The following FAM135B variants were observed in gnomAD, a reference collection of about 807,000 sequenced individuals.
The protein encoded by FAM135B is protein FAM135B.
FAM135B carries 43 observed loss-of-function variants against 127.7 expected under a neutral mutation model. The ratio of observed to expected loss-of-function variants is 0.34; its 90% confidence interval spans 0.26 to 0.43. FAM135B has a LOEUF of 0.43. Ranked by LOEUF, FAM135B falls within the 20% of genes least tolerant of loss-of-function variation. The pLI, the probability that FAM135B is intolerant of heterozygous loss-of-function variation, is 1.00. For synonymous variants in FAM135B, 670 were observed against 665.1 expected (o/e 1.01, Z -0.11); for missense variants, 1,558 against 1,725.6 (o/e 0.90, Z 1.72).
intron 1 of FAM135B, among the ~76,000 whole-genome samples, chr8:138,427,740 A>G (rs760615673): frequency 1.3e-5 from 2 of 152,168 alleles, no homozygotes; most frequent in Non-Finnish European, 2.9e-5. Context: ...CCTAGAATGT[A>G]CAATATATTG....
At chr8:138,183,444 G>T (rs1815265407) in intron 9 of FAM135B, among the ~76,000 whole-genome samples, 1 of 151,936 alleles carries the variant, frequency 6.6e-6, no homozygotes, top group Admixed American at 6.5e-5. Context: ...CCTGCATGCT[G>T]GCCCCTGTAC....
At chr8:138,222,771 C>G (rs1210627716) in intron 7 of FAM135B, among the ~76,000 whole-genome samples, 3 of 147,442 alleles carry the variant, frequency 2.0e-5, no homozygotes, top group African/African-American at 7.5e-5. Context: ...TTCTGAAAAG[C>G]AACCCATGAC....
rs186159031 is a variant in FAM135B, at chr8:138,344,248, G to A, written c.77+23659C>T. ...GATACCATGTCAAGAATGACTCTGGGGTTCAGTCCTGTGGGGCTGCCTGTA... is the reference window on the plus strand; with the variant it reads ...GATACCATGTCAAGAATGACTCTGGAGTTCAGTCCTGTGGGGCTGCCTGTA... On this transcript the variant is annotated intron_variant, in intron 2 of 19. Transcript: ENST00000395297. Among the ~76,000 whole-genome samples, 11 of 152,318 alleles carry A rather than the reference G, an allele frequency of 7.2e-5. No homozygotes were observed. The East Asian group carries it at 1.7e-3, about 24-fold the overall frequency.
intron 11 of FAM135B, among the ~76,000 whole-genome samples, chr8:138,169,071 T>C (rs1820196398): frequency 6.6e-6 from 1 of 152,162 alleles, no homozygotes; most frequent in Non-Finnish European, 1.5e-5. Flanking sequence ...GCAATGAAGA[T>C]AAATGTATGG....
chr8:138,464,582 G>A (rs1005642515), intron 1 of FAM135B, among the ~76,000 whole-genome samples: 4 of 152,194 alleles, frequency 2.6e-5, no homozygotes, highest in Non-Finnish European at 5.9e-5. Context: ...TATATTCTAA[G>A]AAAGGAGGGA....
intron 7 of FAM135B, among the ~76,000 whole-genome samples, chr8:138,239,543 A>T (rs1298699871): frequency 6.6e-6 from 1 of 152,190 alleles, no homozygotes; most frequent in Non-Finnish European, 1.5e-5. Context: ...TTTGCTGTGC[A>T]GAAGCTCTTT....
chr8:138,216,558 TC>T (rs1818562181), intron 7 of FAM135B, among the ~76,000 whole-genome samples: 1 of 152,158 alleles, frequency 6.6e-6, no homozygotes, highest in Non-Finnish European at 1.5e-5. Flanking sequence ...TCATTCTGAA[TC>T]CTAAAGAATG....
chr8:138,464,705 T>G (rs2131628422), intron 1 of FAM135B, among the ~76,000 whole-genome samples: 1 of 152,292 alleles, frequency 6.6e-6, no homozygotes, highest in East Asian at 1.9e-4. Context: ...TGCGGCTGGA[T>G]GACAGTGGGC....
At chr8:138,305,581 GA>G (rs1211263292) in intron 3 of FAM135B, among the ~76,000 whole-genome samples, 1 of 152,188 alleles carries the variant, frequency 6.6e-6, no homozygotes, top group Non-Finnish European at 1.5e-5. Flanking sequence ...AGCCTTTGAA[GA>G]AAGCATAATT....
At chr8:138,442,770 C>T (rs1357991838) in intron 1 of FAM135B, among the ~76,000 whole-genome samples, 3 of 152,028 alleles carry the variant, frequency 2.0e-5, no homozygotes, top group Non-Finnish European at 4.4e-5. Context: ...ATCAGAAAGC[C>T]CTGCTGTGCT....
rs1040177345 is a variant in FAM135B at position 138,216,267 on chromosome 8, G to A, written c.670-18598C>T. On this transcript the variant is annotated intron_variant, in intron 7 of 19. Transcript: ENST00000395297. Reference sequence around the variant, plus strand: ...ACCAATAAGACTTAGAACCGTTGGAGGATAGCTAGATAGAAGAGGACACAT... The same window carrying A: ...ACCAATAAGACTTAGAACCGTTGGAAGATAGCTAGATAGAAGAGGACACAT... 2.6e-5 allele frequency among the ~76,000 whole-genome samples: 4 copies of A among 152,174 alleles called. No homozygotes were observed. In the South Asian group the frequency reaches 8.3e-4, roughly 32 times the overall value.
At chr8:138,313,862 G>A (rs1031324649) in intron 2 of FAM135B, among the ~76,000 whole-genome samples, 1 of 150,818 alleles carries the variant, frequency 6.6e-6, no homozygotes, top group Non-Finnish European at 1.5e-5. Context: ...CAGCACCTTT[G>A]TGGTCATTCA....
chr8:138,190,581 T>C (rs1816025390), intron 9 of FAM135B, among the ~76,000 whole-genome samples: 1 of 152,234 alleles, frequency 6.6e-6, no homozygotes, highest in Non-Finnish European at 1.5e-5. Flanking sequence ...AAATCTACAT[T>C]GTATAGAGAA....
At chr8:138,329,824 A>G (rs1297579107) in intron 2 of FAM135B, among the ~76,000 whole-genome samples, 1 of 152,216 alleles carries the variant, frequency 6.6e-6, no homozygotes, top group Non-Finnish European at 1.5e-5. Flanking sequence ...TTATAGCTCC[A>G]GAAAAAGCCC....
At chr8:138,479,742 C>T (rs1587549752) in intron 1 of FAM135B, among the ~76,000 whole-genome samples, 2 of 152,102 alleles carry the variant, frequency 1.3e-5, no homozygotes, top group Non-Finnish European at 2.9e-5. Context: ...TCTTTGTATC[C>T]TCAGCACTGG....
chr8:138,381,686 T>A (rs1269561431), intron 1 of FAM135B, among the ~76,000 whole-genome samples: 1 of 152,206 alleles, frequency 6.6e-6, no homozygotes, highest in Middle Eastern at 3.2e-3. Flanking sequence ...TCCTTTCTGA[T>A]CAAAGTTTTC....
At chr8:138,390,944 G>A (rs748538850) in intron 1 of FAM135B, among the ~76,000 whole-genome samples, 4 of 152,138 alleles carry the variant, frequency 2.6e-5, no homozygotes, top group Non-Finnish European at 5.9e-5. Context: ...GTACCACGAC[G>A]CAACAGGTGC....
chr8:138,290,046 C>A lies in FAM135B; in HGVS notation c.157+20795G>T, dbSNP rs901993154. Among the ~76,000 whole-genome samples, 6 of 152,286 alleles carry A rather than the reference C, an allele frequency of 3.9e-5. 1 individual carries two copies. In the South Asian group the frequency reaches 1.2e-3, roughly 32 times the overall value. ...GTGTCAGGAAGACATTCTCCAGAGC[C>A]TTGAGATGAGCATTGAAAAACAGAG... On this transcript the variant is annotated intron_variant, in intron 3 of 19. Coordinates refer to ENST00000395297, the MANE Select transcript of FAM135B (RefSeq NM_015912.4).
intron 1 of FAM135B, among the ~76,000 whole-genome samples, chr8:138,492,969 G>A (rs1471941788): frequency 6.6e-6 from 1 of 152,154 alleles, no homozygotes; most frequent in African/African-American, 2.4e-5. Context: ...GGCATGATGA[G>A]TGACGCAGGG....
Sources: gnomAD v4.1 joint callset for allele counts (sites outside exome capture counted in the v4.1 genomes callset) on GRCh38, gnomAD v4.1.1 for gene constraint, MANE v1.5 for transcripts, NCBI Gene and HGNC (gene_info 2026-07-23, HGNC 2026-07-21) for gene names.